The following CEP164 variants were observed in gnomAD, a reference collection of about 807,000 sequenced individuals.
The protein encoded by CEP164 is centrosomal protein 164, also known as centrosomal protein of 164 kDa.
In CEP164, 162 loss-of-function variants were observed where a neutral mutation model predicts 182.7. The ratio of observed to expected loss-of-function variants is 0.89; its 90% CI spans 0.78 to 1.01. The LOEUF is 1.01. Ranked by LOEUF, CEP164 falls within the 50% of genes least tolerant of loss-of-function variation. The pLI, the probability that CEP164 is intolerant of heterozygous loss-of-function variation, is 0.00. For missense variants in CEP164, 1,735 were observed against 1,790.4 expected, an observed-to-expected ratio of 0.97 and a Z score of 0.56; for synonymous variants, 661 against 690.0, an observed-to-expected ratio of 0.96 and a Z score of 0.66.
chr11:117,382,548 C>A (rs1349535959), intron 13 of CEP164, among the ~76,000 whole-genome samples: 3 of 152,168 alleles, frequency 2.0e-5, no homozygotes, highest in African/African-American at 7.2e-5. Context: ...TGAACACCTG[C>A]TGTGTACGGA....
At chr11:117,388,113 G>A (rs1347442356) in intron 15 of CEP164, among the ~76,000 whole-genome samples, 1 of 152,198 alleles carries the variant, frequency 6.6e-6, no homozygotes, top group Non-Finnish European at 1.5e-5. Context: ...GCCCACCCAA[G>A]CAGGATGTGA....
chr11:117,374,561 T>C (rs978012174), intron 10 of CEP164, among the ~76,000 whole-genome samples: 1 of 152,094 alleles, frequency 6.6e-6, no homozygotes, highest in Admixed American at 6.6e-5. Context: ...AGCCATGGGC[T>C]TAGAAGGCAG....
chr11:117,408,817 T>G, intron 28 of CEP164, 73 bp from the exon 29 acceptor site: 5 of 1,591,844 alleles, frequency 3.1e-6, no homozygotes, highest in Non-Finnish European at 4.3e-6. Flanking sequence ...CCCAGCCACT[T>G]CCTAGGAAGG....
intron 15 of CEP164, among the ~76,000 whole-genome samples, chr11:117,388,701 C>T (rs540530887): frequency 1.6e-4 from 25 of 152,214 alleles, no homozygotes; most frequent in Non-Finnish European, 3.1e-4. Flanking sequence ...AAAATTTAGC[C>T]ATAGGACAAA....
chr11:117,362,125 GA>G (rs1304499414), intron 6 of CEP164, 132 bp downstream of exon 6: 2 of 936,736 alleles, frequency 2.1e-6, no homozygotes, highest in Admixed American at 5.7e-5. Flanking sequence ...ATCCAGTTGG[GA>G]AAATGTAATT....
At chr11:117,405,253 T>C (rs903321497) in intron 27 of CEP164, among the ~76,000 whole-genome samples, 1 of 152,140 alleles carries the variant, frequency 6.6e-6, no homozygotes, top group Non-Finnish European at 1.5e-5. Flanking sequence ...CTGCCCAGTT[T>C]TGTGCTTGAA....
chr11:117,396,187 T>C lies in CEP164; in HGVS notation c.3216+7T>C. 2.2e-6 allele frequency: 1 copy of C among 451,654 alleles called. No homozygotes were observed. The highest frequency in any genetic ancestry group is 4.5e-6 in the Non-Finnish European group (1 of 220,108). The allele number at this position is 451,654 out of a possible 1,614,324, so 28.0% of individuals were successfully genotyped here. On this transcript the variant is annotated splice_region_variant and intron_variant, in intron 25 of 32. Transcript: ENST00000278935. ...GAGGAAATCCCTTGGAACAGTGAGC[T>C]GGGGGCTGGGGCCTGGGGGCTGGGG...
chr11:117,364,914 A>G (rs2041448465), intron 8 of CEP164, among the ~76,000 whole-genome samples: 1 of 152,200 alleles, frequency 6.6e-6, no homozygotes, highest in South Asian at 2.1e-4. Context: ...CAAATGTGAC[A>G]CTTTTTTCTA....
chr11:117,349,574 C>T (rs1186100069), intron 4 of CEP164, among the ~76,000 whole-genome samples: 2 of 152,184 alleles, frequency 1.3e-5, no homozygotes, highest in South Asian at 2.1e-4. Context: ...CAGCCTCGAA[C>T]AGCTGGGCTC....
At chr11:117,347,372 A>G (rs1191783151) in intron 4 of CEP164, among the ~76,000 whole-genome samples, 1 of 152,156 alleles carries the variant, frequency 6.6e-6, no homozygotes, top group South Asian at 2.1e-4. Flanking sequence ...TTTCAAAGTC[A>G]TATTCTAGGT....
intron 4 of CEP164, among the ~76,000 whole-genome samples, chr11:117,348,429 TGC>T (rs2039230724): frequency 6.6e-6 from 1 of 152,254 alleles, no homozygotes; most frequent in African/African-American, 2.4e-5. Context: ...TTATATCTCT[TGC>T]CTTTTTGTCT....
intron 3 of CEP164, among the ~76,000 whole-genome samples, chr11:117,339,098 G>A (rs760985884): frequency 2.0e-5 from 3 of 152,324 alleles, no homozygotes. Context: ...GATTACAGGC[G>A]TGAGCCACCT....
intron 8 of CEP164, among the ~76,000 whole-genome samples, chr11:117,365,989 G>A (rs1166305353): frequency 6.6e-6 from 1 of 152,152 alleles, no homozygotes; most frequent in African/African-American, 2.4e-5. Flanking sequence ...AGGCACCCCA[G>A]TGTGATGAGG....
intron 27 of CEP164, among the ~76,000 whole-genome samples, chr11:117,399,005 C>G (rs888081926): frequency 4.6e-5 from 7 of 152,044 alleles, no homozygotes; most frequent in Admixed American, 2.6e-4. Flanking sequence ...TTTAATTATA[C>G]TTTAAGTTCT....
chr11:117,396,535 A>G lies in CEP164; in HGVS notation c.3217-15A>G. On this transcript the variant is annotated splice_polypyrimidine_tract_variant and intron_variant, in intron 25 of 32. Coordinates refer to ENST00000278935, the MANE Select transcript of CEP164 (RefSeq NM_014956.5). Reference sequence around the variant, plus strand: ...TTTGCTACACTCAGTGGACTTTTCTACCATGTGTCCCTAGAACCAGACCAA... The same window carrying G: ...TTTGCTACACTCAGTGGACTTTTCTGCCATGTGTCCCTAGAACCAGACCAA... 6.2e-7 allele frequency: 1 copy of G among 1,611,624 alleles called. No homozygotes were observed. Among genetic ancestry groups the G allele is most frequent in the South Asian group, 1.1e-5 (1 of 91,020 alleles).
At chr11:117,346,391 T>C (rs186035087) in intron 4 of CEP164, among the ~76,000 whole-genome samples, 1,602 of 152,122 alleles carry the variant, frequency 0.011, 9 homozygotes, top group Non-Finnish European at 0.016. Flanking sequence ...CCTGAGTAGC[T>C]GGGATTACGT....
At chr11:117,327,845 G>T (rs1038424810), upstream of CEP164, 1 of 152,260 alleles carries the variant, frequency 6.6e-6, no homozygotes, top group Non-Finnish European at 1.5e-5. Flanking sequence ...ACCTTTTCCG[G>T]AAGTGTTTGT....
chr11:117,329,839 CTTT>C (rs61429989), intron 1 of CEP164, among the ~76,000 whole-genome samples: 9 of 95,572 alleles, frequency 9.4e-5, no homozygotes, highest in Admixed American at 2.7e-4. Flanking sequence ...TGCGCCTGGC[CTTT>C]TTTTTTTTTT....
rs1048847247 is a variant in CEP164, at chr11:117,366,882, A to G, written c.765+3376A>G. Among the ~76,000 whole-genome samples the G allele has an allele frequency of 5.3e-5, 8 of 152,164 alleles. No homozygotes were observed. In the East Asian group the frequency reaches 1.5e-3, roughly 29 times the overall value. On this transcript the variant is annotated intron_variant, in intron 8 of 32. Transcript: ENST00000278935. The stretch of plus-strand genomic sequence containing the variant: ...CTCATGGCTTTTGGGGGGCATGTTA[A>G]ATATTCATGAAATGATTCTTATAAG...
Sources: allele counts gnomAD v4.1 joint callset (sites outside exome capture counted in the v4.1 genomes callset), GRCh38; gene constraint gnomAD v4.1.1; transcripts MANE v1.5; gene names NCBI Gene and HGNC (gene_info 2026-07-23, HGNC 2026-07-21).